Variants in CLASP1 observed in about 807,000 individuals in gnomAD.
CLASP1 encodes the protein CLIP-associating protein 1.
Under a neutral mutation model 192.3 loss-of-function variants are expected in CLASP1, and 38 were observed. That is an observed-to-expected ratio of 0.20 (90% CI 0.15 to 0.26). The LOEUF (loss-of-function observed/expected upper bound fraction) is 0.26, where lower values mean the gene tolerates loss of function less well. CLASP1 is among the 10% of genes least tolerant of loss of function. The pLI is 1.00. For synonymous variants in CLASP1, 691 were observed against 712.8 expected, an observed-to-expected ratio of 0.97 and a Z score of 0.49; for missense variants, 1,433 against 1,932.5, an observed-to-expected ratio of 0.74 and a Z score of 4.85.
intron 29 of CLASP1, among the ~76,000 whole-genome samples, chr2:121,398,009 A>C (rs1481221056): frequency 6.6e-6 from 1 of 152,350 alleles, no homozygotes; most frequent in East Asian, 1.9e-4. Context: ...ATTGTGAAAA[A>C]GACTAGTACT....
intron 19 of CLASP1, among the ~76,000 whole-genome samples, chr2:121,438,634 A>T (rs2082725036): frequency 6.6e-6 from 1 of 152,080 alleles, no homozygotes; most frequent in African/African-American, 2.4e-5. Flanking sequence ...GATTACATTT[A>T]TTGATTTGCG....
rs182805838 is a variant in CLASP1, at chr2:121,503,296, A to C, written c.645-62T>G. 2.6e-4 allele frequency: 258 copies of C among 976,102 alleles called. No homozygotes were observed. The East Asian group carries it at 6.4e-3, about 24-fold the overall frequency. The allele number at this position is 976,102 out of a possible 1,614,324, so 60.5% of individuals were successfully genotyped here. A position where few individuals can be genotyped will look rare whatever the true frequency, so the allele number is the denominator to read the frequency against. On this transcript the variant is annotated intron_variant, in intron 7 of 39. Coordinates refer to ENST00000263710, the Ensembl canonical transcript of CLASP1. ...TCACTGCTCATAGCCAATTATATTA[A>C]AATGCTAATGTGAAGTTGATCCCCA...
intron 37 of CLASP1, among the ~76,000 whole-genome samples, chr2:121,352,992 T>C (rs114053503): frequency 0.014 from 2,060 of 152,154 alleles, 43 homozygotes; most frequent in African/African-American, 0.046. Context: ...TTATCTGAAT[T>C]GAGACAAGAT....
At chr2:121,353,725 T>C (rs1441606611) in intron 37 of CLASP1, among the ~76,000 whole-genome samples, 1 of 152,240 alleles carries the variant, frequency 6.6e-6, no homozygotes, top group African/African-American at 2.4e-5. Flanking sequence ...CAATGTCCAG[T>C]ATACGCCAGG....
At chr2:121,558,085 G>GAAAAA (rs397961554) in intron 2 of CLASP1, among the ~76,000 whole-genome samples, 1 of 79,330 alleles carries the variant, frequency 1.3e-5, no homozygotes, top group African/African-American at 4.8e-5. Flanking sequence ...GTCTCAAAAA[G>GAAAAA]AAAAAAAAAA....
intron 39 of CLASP1, among the ~76,000 whole-genome samples, chr2:121,342,737 A>G (rs551643374): frequency 6.6e-6 from 1 of 152,274 alleles, no homozygotes; most frequent in South Asian, 2.1e-4. Flanking sequence ...AACCAGTTCA[A>G]GACCAGACTG....
chr2:121,402,409 T>A (rs1240549243), intron 26 of CLASP1, among the ~76,000 whole-genome samples: 1 of 152,218 alleles, frequency 6.6e-6, no homozygotes, highest in African/African-American at 2.4e-5. Context: ...CCCTACCTTG[T>A]TAATGAAACT....
chr2:121,595,133 A>G (rs989044604), intron 2 of CLASP1, among the ~76,000 whole-genome samples: 7 of 152,130 alleles, frequency 4.6e-5, no homozygotes, highest in African/African-American at 1.7e-4. Context: ...TGCTACTATT[A>G]CCTCTGCTAC....
chr2:121,610,181 A>C (rs754098389), intron 1 of CLASP1, among the ~76,000 whole-genome samples: 2 of 152,146 alleles, frequency 1.3e-5, no homozygotes, highest in African/African-American at 4.8e-5. Flanking sequence ...TGAGAGAAGA[A>C]GGAGGAGGAG....
intron 2 of CLASP1, among the ~76,000 whole-genome samples, chr2:121,603,516 T>C (rs905526840): frequency 6.6e-6 from 1 of 152,314 alleles, no homozygotes; most frequent in South Asian, 2.1e-4. Flanking sequence ...GAAAACAGTA[T>C]GGAAGTTCCA....
intron 3 of CLASP1, among the ~76,000 whole-genome samples, chr2:121,529,399 G>T (rs2094687123): frequency 6.6e-6 from 1 of 152,150 alleles, no homozygotes; most frequent in African/African-American, 2.4e-5. Flanking sequence ...GAGGAAAATG[G>T]AACACTATTA....
intron 23 of CLASP1, among the ~76,000 whole-genome samples, 181 bp downstream of exon 24, chr2:121,413,960 C>T (rs1392141783): frequency 6.6e-6 from 1 of 152,102 alleles, no homozygotes; most frequent in Non-Finnish European, 1.5e-5. Context: ...TATGAAGCAT[C>T]TACAGCCTAT....
At chr2:121,416,271 T>G (rs763777395) in intron 23 of CLASP1, among the ~76,000 whole-genome samples, 8 of 152,224 alleles carry the variant, frequency 5.3e-5, no homozygotes, top group Non-Finnish European at 1.0e-4. Flanking sequence ...GCCTAATTTA[T>G]AGCAGCCCTA....
intron 1 of CLASP1, among the ~76,000 whole-genome samples, chr2:121,628,425 C>T (rs2068789960): frequency 6.6e-6 from 1 of 152,028 alleles, no homozygotes; most frequent in Non-Finnish European, 1.5e-5. Flanking sequence ...CCTGTAATCC[C>T]AGCACTTTGG....
At chr2:121,488,292 C>T (rs2093103494) in intron 8 of CLASP1, among the ~76,000 whole-genome samples, 1 of 152,186 alleles carries the variant, frequency 6.6e-6, no homozygotes, top group African/African-American at 2.4e-5. Context: ...ATGAGATCAC[C>T]TAGAGCTGCC....
At chr2:121,429,143 A>G (rs932290675) in intron 20 of CLASP1, among the ~76,000 whole-genome samples, 3 of 152,218 alleles carry the variant, frequency 2.0e-5, no homozygotes, top group African/African-American at 4.8e-5. Context: ...ATCAAAGGGA[A>G]AAGAATTTAA....
intron 8 of CLASP1, chr2:121,490,219 T>C (rs369732304): frequency 2.4e-6 from 1 of 417,200 alleles, no homozygotes; most frequent in South Asian, 1.7e-5. Flanking sequence ...AAGCATTTCC[T>C]AGCCAAGCAG....
At chr2:121,386,979 G>T in intron 32 of CLASP1, 143 bp downstream of exon 33, 1 of 681,308 alleles carries the variant, frequency 1.5e-6, no homozygotes, top group South Asian at 1.8e-5. Context: ...GTTACAATTT[G>T]AGTGAGGACT....
At chr2:121,356,489 C>A (rs1424156451) in intron 37 of CLASP1, among the ~76,000 whole-genome samples, 1 of 152,198 alleles carries the variant, frequency 6.6e-6, no homozygotes. Context: ...AGTCTGGAGA[C>A]CTGAGTTTTG....
Sources: allele counts gnomAD v4.1 joint callset (sites outside exome capture counted in the v4.1 genomes callset), GRCh38; gene constraint gnomAD v4.1.1; transcripts MANE v1.5; gene names NCBI Gene and HGNC (gene_info 2026-07-23, HGNC 2026-07-21).